The following STK3 variants were observed in gnomAD, a reference collection of about 807,000 sequenced individuals.
STK3 encodes serine/threonine kinase 3.
A neutral mutation model predicts 58.0 loss-of-function variants in STK3; 41 were observed. The ratio of observed to expected loss-of-function variants is 0.71; its 90% CI spans 0.55 to 0.92. The LOEUF is 0.92. STK3 is among the 40% of genes least tolerant of loss of function. STK3 has a pLI of 0.00. For missense variants in STK3, 479 were observed against 602.7 expected (o/e 0.79, Z 2.15); for synonymous variants, 170 against 191.0 (o/e 0.89, Z 0.91).
chr8:98,404,865 A>G (rs1196128363), intron 3 of STK3, among the ~76,000 whole-genome samples: 1 of 152,092 alleles, frequency 6.6e-6, no homozygotes, highest in Non-Finnish European at 1.5e-5. Flanking sequence ...ATAAATCAAT[A>G]AAATAAAACT....
At chr8:98,352,836 T>C in the STK3 span, among the ~76,000 whole-genome samples, 78 of 152,196 alleles carry the variant, frequency 5.1e-4, no homozygotes, top group South Asian at 8.3e-4. Context: ...GAGACTGAAG[T>C]CTACCTTTGT....
At position 98,737,164 on chromosome 8, in the gene STK3, T is replaced by C. The variant is rs191494780; in HGVS notation, c.351+12112A>G. Among the ~76,000 whole-genome samples the C allele has an allele frequency of 1.3e-3, 195 of 152,258 alleles. 2 individuals carry two copies. The highest frequency in any genetic ancestry group is 1.9e-3 in the Non-Finnish European group (129 of 68,020). On this transcript the variant is annotated intron_variant, in intron 4 of 10. Transcript: ENST00000419617. ...ATATCTTTTTTTAGATTTATAAAGG[T>C]TAAAGCTGTCAATAAAGTTTTACAT...
At chr8:98,803,232 T>C (rs753938124) in intron 1 of STK3, among the ~76,000 whole-genome samples, 1 of 152,094 alleles carries the variant, frequency 6.6e-6, no homozygotes, top group Non-Finnish European at 1.5e-5. Context: ...AAAATCATCT[T>C]ATACACTGAA....
chr8:98,642,568 C>A (rs1258910112), intron 6 of STK3, among the ~76,000 whole-genome samples: 1 of 152,052 alleles, frequency 6.6e-6, no homozygotes, highest in African/African-American at 2.4e-5. Context: ...CACCATTTGG[C>A]CTGGAATGTA....
At chr8:98,555,640 T>C (rs961755788) in intron 8 of STK3, among the ~76,000 whole-genome samples, 3 of 152,076 alleles carry the variant, frequency 2.0e-5, no homozygotes, top group South Asian at 2.1e-4. Context: ...TGCTATAGCA[T>C]GAAAAAAATA....
intron 8 of STK3, among the ~76,000 whole-genome samples, chr8:98,554,228 GA>G (rs1811428396): frequency 6.6e-6 from 1 of 152,166 alleles, no homozygotes; most frequent in African/African-American, 2.4e-5. Flanking sequence ...GTAAAGAGAT[GA>G]AGATGATTTT....
chr8:98,674,656 T>C (rs1823068055), intron 6 of STK3, among the ~76,000 whole-genome samples: 1 of 152,170 alleles, frequency 6.6e-6, no homozygotes. Flanking sequence ...AAAGGTCAAG[T>C]CTAAAAACCC....
intron 1 of STK3, among the ~76,000 whole-genome samples, chr8:98,919,104 A>G (rs1181482759): frequency 6.6e-6 from 1 of 151,990 alleles, no homozygotes; most frequent in Non-Finnish European, 1.5e-5. Flanking sequence ...CAGTTTATGA[A>G]CCCTATATTC....
At chr8:98,361,611 C>T in the STK3 span, among the ~76,000 whole-genome samples, 1 of 152,164 alleles carries the variant, frequency 6.6e-6, no homozygotes, top group East Asian at 1.9e-4. Flanking sequence ...CAGGCTTTAA[C>T]ATCTGTTTGG....
intron 3 of STK3, among the ~76,000 whole-genome samples, chr8:98,759,551 G>A (rs1443778835): frequency 6.6e-6 from 1 of 151,966 alleles, no homozygotes; most frequent in African/African-American, 2.4e-5. Context: ...ACCAAAACAT[G>A]ACATAGAGAC....
intron 1 of STK3, among the ~76,000 whole-genome samples, chr8:98,779,391 T>C (rs1230223458): frequency 2.6e-5 from 4 of 152,230 alleles, no homozygotes; most frequent in Non-Finnish European, 4.4e-5. Context: ...TGCTTATCAG[T>C]AGCATGTAAA....
At chr8:98,758,051 C>T (rs1225904835) in intron 3 of STK3, among the ~76,000 whole-genome samples, 2 of 152,196 alleles carry the variant, frequency 1.3e-5, no homozygotes, top group African/African-American at 4.8e-5. Context: ...TCACTCAAAA[C>T]ACTGTAACAC....
intron 10 of STK3, among the ~76,000 whole-genome samples, chr8:98,471,249 C>T (rs1162480554): frequency 1.3e-5 from 2 of 152,208 alleles, no homozygotes; most frequent in African/African-American, 2.4e-5. Context: ...AGATTTCAAC[C>T]TCTAAGAGAG....
intron 2 of STK3, among the ~76,000 whole-genome samples, chr8:98,377,576 A>T (rs1586541920): frequency 6.6e-6 from 1 of 152,110 alleles, no homozygotes; most frequent in African/African-American, 2.4e-5. Flanking sequence ...CATTGAAAAT[A>T]TAAGAAAAAA....
At chr8:98,493,513 G>A (rs1013416689) in intron 10 of STK3, among the ~76,000 whole-genome samples, 2 of 152,052 alleles carry the variant, frequency 1.3e-5, no homozygotes, top group South Asian at 4.1e-4. Context: ...CCTATGATTC[G>A]ATCTTGCTGA....
At chr8:98,558,130 A>G (rs1811742110) in intron 8 of STK3, among the ~76,000 whole-genome samples, 1 of 152,172 alleles carries the variant, frequency 6.6e-6, no homozygotes, top group Non-Finnish European at 1.5e-5. Flanking sequence ...TGACAAATAT[A>G]AAGAAACTTA....
chr8:98,494,654 C>CA (rs398008984), intron 10 of STK3, among the ~76,000 whole-genome samples: 20,061 of 40,378 alleles, frequency 0.5, 5,900 homozygotes, highest in East Asian at 0.65. Flanking sequence ...GACCCTGTCT[C>CA]AAAAAAAAAA....
chr8:98,667,213 TCA>T (rs1742993623), intron 6 of STK3, among the ~76,000 whole-genome samples: 1 of 152,158 alleles, frequency 6.6e-6, no homozygotes, highest in South Asian at 2.1e-4. Context: ...CAACATGAGT[TCA>T]CAAACTCTGA....
intron 6 of STK3, among the ~76,000 whole-genome samples, chr8:98,639,110 C>T (rs969944084): frequency 5.2e-4 from 72 of 138,512 alleles, no homozygotes; most frequent in African/African-American, 1.9e-3. Flanking sequence ...AGGAGATACA[C>T]TTTTTTTTTT....
Sources: allele counts gnomAD v4.1 joint callset (sites outside exome capture counted in the v4.1 genomes callset), GRCh38; gene constraint gnomAD v4.1.1; transcripts MANE v1.5; gene names NCBI Gene and HGNC (gene_info 2026-07-23, HGNC 2026-07-21).